Variants in DGKH observed in about 807,000 individuals in gnomAD.
DGKH encodes diacylglycerol kinase eta.
Under a neutral mutation model 159.3 loss-of-function variants are expected in DGKH, and 90 were observed. The observed-to-expected ratio is 0.57, with a 90% CI of 0.48 to 0.67. The LOEUF (loss-of-function observed/expected upper bound fraction) is 0.67, where lower values mean the gene tolerates loss of function less well. DGKH is among the 30% of genes least tolerant of loss of function. The pLI, the probability that DGKH is intolerant of heterozygous loss-of-function variation, is 0.00. For synonymous variants in DGKH, 536 were observed against 553.8 expected (o/e 0.97, Z 0.45); for missense variants, 1,181 against 1,506.1 (o/e 0.78, Z 3.57).
downstream of DGKH, among the ~76,000 whole-genome samples, chr13:42,246,276 C>T (rs1489488070): frequency 1.3e-5 from 2 of 152,088 alleles, no homozygotes; most frequent in African/African-American, 4.8e-5. Context: ...GATGGTGATA[C>T]CAGCCGCAAG....
chr13:42,173,939 G>C (rs1489275471), intron 11 of DGKH, 121 bp from the exon 12 acceptor site: 7 of 520,002 alleles, frequency 1.3e-5, no homozygotes, highest in Non-Finnish European at 2.3e-5. Context: ...CATAGTTCAT[G>C]AATGTGTGTG....
At chr13:42,143,878 G>T (rs979050230) in intron 3 of DGKH, among the ~76,000 whole-genome samples, 1 of 151,986 alleles carries the variant, frequency 6.6e-6, no homozygotes, top group Admixed American at 6.6e-5. Flanking sequence ...TTTTTGAAGG[G>T]TTTTTTGTGT....
intron 26 of DGKH, among the ~76,000 whole-genome samples, chr13:42,218,949 A>C (rs1010256267): frequency 1.3e-5 from 2 of 152,196 alleles, no homozygotes; most frequent in Non-Finnish European, 2.9e-5. Flanking sequence ...ACATTTACAC[A>C]GAAAAAAACA....
At chr13:42,151,680 A>G (rs1040754965) in intron 3 of DGKH, among the ~76,000 whole-genome samples, 4 of 151,104 alleles carry the variant, frequency 2.6e-5, no homozygotes, top group African/African-American at 7.3e-5. Context: ...TCTTTATGCA[A>G]TCATCTGTTG....
At chr13:42,148,252 G>A (rs557708779) in intron 3 of DGKH, among the ~76,000 whole-genome samples, 1 of 152,278 alleles carries the variant, frequency 6.6e-6, no homozygotes, top group Admixed American at 6.5e-5. Context: ...GATGAAATGA[G>A]ATGATATACC....
chr13:42,112,284 CTTT>C (rs58307947), intron 1 of DGKH, among the ~76,000 whole-genome samples: 1 of 122,816 alleles, frequency 8.1e-6, no homozygotes. Flanking sequence ...AGCCTTGTGG[CTTT>C]TTTTTTTTTT....
exon 31 of DGKH, chr13:42,256,548 A>G (rs1474315827): frequency 1.4e-6 from 1 of 729,938 alleles, no homozygotes. Flanking sequence ...AAGTAAATTT[A>G]TAATGAAAAT....
intron 21 of DGKH, 135 bp downstream of exon 21, chr13:42,206,281 A>T (rs937814389): frequency 2.2e-5 from 10 of 451,948 alleles, no homozygotes; most frequent in Admixed American, 8.8e-5. Context: ...TGAGGCATGG[A>T]ATAGATTTAT....
At chr13:42,040,494 G>A (rs914655193) in intron 1 of DGKH, among the ~76,000 whole-genome samples, 1 of 151,904 alleles carries the variant, frequency 6.6e-6, no homozygotes, top group African/African-American at 2.4e-5. Context: ...CCGCCGGGAG[G>A]AGGGGCGGCG....
chr13:42,146,542 T>C (rs1365080839), intron 3 of DGKH, among the ~76,000 whole-genome samples: 2 of 152,182 alleles, frequency 1.3e-5, no homozygotes, highest in South Asian at 2.1e-4. Flanking sequence ...TTGGAGTAGA[T>C]TGTGAAATAT....
intron 5 of DGKH, among the ~76,000 whole-genome samples, chr13:42,156,924 G>C (rs1040625686): frequency 6.6e-6 from 1 of 152,060 alleles, no homozygotes; most frequent in Non-Finnish European, 1.5e-5. Context: ...ACTCACTTAG[G>C]CTTTCCTCTC....
At position 42,234,157 on chromosome 13, in the gene DGKH, C is replaced by T. The variant is rs573918811; in HGVS notation, c.*4969C>T. On this transcript the variant is annotated 3_prime_UTR_variant, in exon 30 of 30. Transcript: ENST00000337343. ...GTTTACTTAATTTTATAAGATTTTT[C>T]CCAATGAGACTTATTTTCAGGAATC... The T allele has an allele frequency of 2.6e-5, 4 of 151,750 alleles. No individual in the cohort carries two copies. Among genetic ancestry groups the T allele is most frequent in the African/African-American group, 9.7e-5 (4 of 41,374 alleles). 9.4% of individuals were successfully genotyped at this position (151,750 alleles called of 1,614,324 possible).
At chr13:42,057,796 G>A (rs1881872430) in intron 1 of DGKH, among the ~76,000 whole-genome samples, 1 of 152,186 alleles carries the variant, frequency 6.6e-6, no homozygotes, top group South Asian at 2.1e-4. Flanking sequence ...ATATGAGAAG[G>A]TGATAAGTGC....
chr13:42,109,673 T>C lies in DGKH; in HGVS notation c.193-17790T>C, dbSNP rs971715583. ...GTGCCTGTGCGTGCGTGTGTGTGCG[T>C]GTGTGTGTGTGTGTGTGTCTGTTGC... On this transcript the variant is annotated intron_variant, in intron 1 of 29. Transcript: ENST00000337343. Among the ~76,000 whole-genome samples the C allele has an allele frequency of 4.2e-5, 6 of 143,496 alleles. No individual in the cohort carries two copies. The East Asian group carries it at 6.3e-4, about 15-fold the overall frequency. The allele number at this position is 143,496 out of a possible 152,430, so 94.1% of individuals were successfully genotyped here.
At chr13:42,117,115 G>A (rs943137654) in intron 1 of DGKH, among the ~76,000 whole-genome samples, 4 of 152,166 alleles carry the variant, frequency 2.6e-5, no homozygotes, top group Non-Finnish European at 5.9e-5. Context: ...GAGGAGGGGG[G>A]AGTTAATGCC....
At chr13:42,200,983 TTTTA>T (rs149544122) in intron 20 of DGKH, among the ~76,000 whole-genome samples, 2 of 151,078 alleles carry the variant, frequency 1.3e-5, no homozygotes, top group African/African-American at 2.4e-5. Context: ...GCCACATTCT[TTTTA>T]TTTATTTATT....
At chr13:42,164,749 T>C (rs1014541447) in intron 7 of DGKH, among the ~76,000 whole-genome samples, 1 of 152,182 alleles carries the variant, frequency 6.6e-6, no homozygotes, top group Non-Finnish European at 1.5e-5. Flanking sequence ...CACTTTCCTT[T>C]ACCTTACAGG....
intron 29 of DGKH, chr13:42,225,218 C>T: frequency 6.7e-7 from 1 of 1,496,426 alleles, no homozygotes; most frequent in African/African-American, 1.4e-5. Flanking sequence ...CCACCATGCC[C>T]AGCCAGGAAA....
chr13:42,255,801 T>G, intron 30 of DGKH: 2 of 544,882 alleles, frequency 3.7e-6, no homozygotes, highest in Non-Finnish European at 3.2e-6. Flanking sequence ...TGTCATTGGG[T>G]TAGGGAAAGA....
Sources: allele counts gnomAD v4.1 joint callset (sites outside exome capture counted in the v4.1 genomes callset), GRCh38; gene constraint gnomAD v4.1.1; transcripts MANE v1.5; gene names NCBI Gene and HGNC (gene_info 2026-07-23, HGNC 2026-07-21).